HHAT: variants seen among roughly 807,000 people sequenced by gnomAD.
HHAT encodes the protein protein-cysteine N-palmitoyltransferase HHAT.
A neutral mutation model predicts 70.8 loss-of-function variants in HHAT; 47 were observed. That is an observed-to-expected ratio of 0.66 (90% confidence interval 0.53 to 0.85). The LOEUF (loss-of-function observed/expected upper bound fraction) is 0.85, where lower values mean the gene tolerates loss of function less well. HHAT is among the 40% of genes least tolerant of loss of function. The pLI is 0.00. For missense variants in HHAT, 609 were observed against 604.8 expected (o/e 1.01, Z -0.07); for synonymous variants, 228 against 247.6 (o/e 0.92, Z 0.74).
At chr1:210,658,923 G>A (rs540159268) in intron 11 of HHAT, among the ~76,000 whole-genome samples, 172 of 152,324 alleles carry the variant, frequency 1.1e-3, no homozygotes, top group African/African-American at 3.9e-3. Flanking sequence ...GAATCTCTGG[G>A]ACACATGTAA....
chr1:210,441,803 CAT>C lies in HHAT; in HGVS notation c.857-22701_857-22700del, dbSNP rs545250990. Among the ~76,000 whole-genome samples the C allele has an allele frequency of 3.8e-3, 579 of 151,916 alleles. 6 individuals are homozygous for C. The highest frequency in any genetic ancestry group is 0.013 in the African/African-American group (554 of 41,376). On this transcript the variant is annotated intron_variant, in intron 7 of 11. Transcript: ENST00000261458. ...ATATATAAACAGATATACACGTAAA[CAT>C]GTGTATATGTATATATATGTACACA...
At chr1:210,442,341 T>G (rs1215780876) in intron 7 of HHAT, among the ~76,000 whole-genome samples, 2 of 138,676 alleles carry the variant, frequency 1.4e-5, no homozygotes, top group Non-Finnish European at 3.1e-5. Flanking sequence ...AGCAGCATGA[T>G]TTATAGTCCT....
intron 11 of HHAT, among the ~76,000 whole-genome samples, chr1:210,658,609 T>C (rs1348719320): frequency 6.6e-6 from 1 of 152,210 alleles, no homozygotes; most frequent in Non-Finnish European, 1.5e-5. Flanking sequence ...TACAGAACTC[T>C]CTACCCCAAA....
rs143266105 is a variant in HHAT at position 210,376,645 on chromosome 1, C to T, written c.160-10823C>T. Among the ~76,000 whole-genome samples the T allele has an allele frequency of 1.2e-4, 19 of 152,274 alleles. No homozygotes were observed. The East Asian group carries it at 3.3e-3, about 26-fold the overall frequency. The stretch of plus-strand genomic sequence containing the variant: ...CTTCTCTGTCTCTATTCCCAGTCTC[C>T]CAGGCCCCTGGGCTGCCTGTGACGG... On this transcript the variant is annotated intron_variant, in intron 3 of 11. Coordinates refer to ENST00000261458, the MANE Select transcript of HHAT (RefSeq NM_018194.6).
At chr1:210,527,843 T>G (rs1024584401) in intron 9 of HHAT, among the ~76,000 whole-genome samples, 4 of 152,304 alleles carry the variant, frequency 2.6e-5, no homozygotes, top group South Asian at 2.1e-4. Context: ...TGCTTCAGTT[T>G]CCCCATCTGT....
intron 7 of HHAT, among the ~76,000 whole-genome samples, chr1:210,437,741 G>A (rs1284641229): frequency 1.3e-5 from 2 of 151,784 alleles, no homozygotes; most frequent in Non-Finnish European, 2.9e-5. Flanking sequence ...GGCTCATTTT[G>A]AGGTGTTCAT....
intron 3 of HHAT, among the ~76,000 whole-genome samples, chr1:210,373,713 C>G (rs956146226): frequency 2.6e-5 from 4 of 152,196 alleles, no homozygotes; most frequent in Admixed American, 6.5e-5. Flanking sequence ...CCAAGCTGAT[C>G]AGTGGAATTG....
At chr1:210,389,333 C>T (rs113383129) in intron 4 of HHAT, among the ~76,000 whole-genome samples, 6,561 of 152,270 alleles carry the variant, frequency 0.043, 472 homozygotes, top group African/African-American at 0.14. Context: ...CAGGAGATCA[C>T]GTGGTGAGCA....
chr1:210,327,431 T>TA (rs947331663), upstream of HHAT, among the ~76,000 whole-genome samples: 23 of 151,064 alleles, frequency 1.5e-4, no homozygotes, highest in Non-Finnish European at 7.4e-5. Context: ...TGTAAGTACT[T>TA]AAAAAAAATA....
At chr1:210,493,448 A>G (rs2094582443) in intron 8 of HHAT, among the ~76,000 whole-genome samples, 1 of 152,154 alleles carries the variant, frequency 6.6e-6, no homozygotes, top group African/African-American at 2.4e-5. Context: ...AACTGACTGA[A>G]TAAGGCCCAC....
chr1:210,615,125 C>T (rs555205938), intron 10 of HHAT, among the ~76,000 whole-genome samples: 1 of 152,208 alleles, frequency 6.6e-6, no homozygotes, highest in Non-Finnish European at 1.5e-5. Flanking sequence ...GAGATGATAT[C>T]TCATTGTGGT....
At chr1:210,529,578 C>T (rs72749352) in intron 9 of HHAT, among the ~76,000 whole-genome samples, 3,968 of 152,298 alleles carry the variant, frequency 0.026, 82 homozygotes, top group Middle Eastern at 0.044. Flanking sequence ...CTCTGGGCCT[C>T]CCTTGCAGCT....
At chr1:210,485,606 C>CAGT (rs1473472583) in intron 8 of HHAT, among the ~76,000 whole-genome samples, 1 of 152,116 alleles carries the variant, frequency 6.6e-6, no homozygotes, top group African/African-American at 2.4e-5. Context: ...TTAAGATGTA[C>CAGT]AGTTCCACGT....
intron 10 of HHAT, among the ~76,000 whole-genome samples, chr1:210,598,097 G>A (rs549286901): frequency 6.6e-6 from 1 of 151,986 alleles, no homozygotes; most frequent in East Asian, 2.0e-4. Context: ...TTCCCTTTTG[G>A]CCCAGGGTGT....
At chr1:210,653,303 G>T (rs1675578854) in intron 11 of HHAT, among the ~76,000 whole-genome samples, 1 of 152,152 alleles carries the variant, frequency 6.6e-6, no homozygotes, top group Admixed American at 6.5e-5. Context: ...AGCACTTTGG[G>T]AGGCTGAGGC....
chr1:210,455,676 G>A (rs2093850265), intron 7 of HHAT, among the ~76,000 whole-genome samples: 1 of 152,028 alleles, frequency 6.6e-6, no homozygotes, highest in Non-Finnish European at 1.5e-5. Context: ...GTAAAATGGG[G>A]AGTAATAGTA....
At chr1:210,383,550 A>G (rs2090818075) in intron 3 of HHAT, among the ~76,000 whole-genome samples, 1 of 152,182 alleles carries the variant, frequency 6.6e-6, no homozygotes, top group East Asian at 1.9e-4. Context: ...ATATGATATG[A>G]TAATGGTGGA....
chr1:210,671,066 T>A lies in HHAT; in HGVS notation c.1391-3222T>A, dbSNP rs537176247. On this transcript the variant is annotated intron_variant, in intron 11 of 11. Transcript: ENST00000261458. The stretch of plus-strand genomic sequence containing the variant: ...GGGCAGTCTTGGGGACAGTCTTCCT[T>A]ACAGCCCTGTGTGTTACGCGGAAGC... Among the ~76,000 whole-genome samples, 13 of 152,322 alleles carry A rather than the reference T, an allele frequency of 8.5e-5. No homozygotes were observed. The East Asian group carries it at 2.5e-3, about 29-fold the overall frequency.
At chr1:210,336,820 GT>G (rs796119589) in intron 1 of HHAT, among the ~76,000 whole-genome samples, 3 of 152,192 alleles carry the variant, frequency 2.0e-5, no homozygotes, top group African/African-American at 7.2e-5. Context: ...AAGCCTTAAG[GT>G]TTTTTCTTCA....
Sources: allele counts gnomAD v4.1 joint callset (sites outside exome capture counted in the v4.1 genomes callset), GRCh38; gene constraint gnomAD v4.1.1; transcripts MANE v1.5; gene names NCBI Gene and HGNC (gene_info 2026-07-23, HGNC 2026-07-21).